The following ZNF680 variants were observed in gnomAD, a reference collection of about 807,000 sequenced individuals.
The protein encoded by ZNF680 is hypothetical protein FLJ90430.
In ZNF680, 6 loss-of-function variants were observed where a neutral mutation model predicts 12.1. The observed-to-expected ratio is 0.49, with a 90% CI of 0.27 to 0.98. The LOEUF (loss-of-function observed/expected upper bound fraction) is 0.98, where lower values mean the gene tolerates loss of function less well. Ranked by LOEUF, ZNF680 falls within the 50% of genes least tolerant of loss-of-function variation. The pLI is 0.12. For missense variants in ZNF680, 561 were observed against 616.3 expected (o/e 0.91, Z 0.95); for synonymous variants, 170 against 199.3 (o/e 0.85, Z 1.24).
intron 2 of ZNF680, 153 bp downstream of exon 2, chr7:64,544,153 A>AT: frequency 8.3e-7 from 1 of 1,202,906 alleles, no homozygotes. Context: ...TACTGAAGGA[A>AT]TTTTTTTCTA....
At position 64,557,033 on chromosome 7, in the gene ZNF680, G is replaced by A. The variant is rs112927422; in HGVS notation, c.30+5892C>T. ...TGGGAGGCCAAGGCGGGCGGATCAC[G>A]AGGCCAGGAGATTGAGACCATCCTG... On this transcript the variant is annotated intron_variant, in intron 1 of 3. Transcript: ENST00000309683. Among the ~76,000 whole-genome samples the A allele has an allele frequency of 2.6e-3, 397 of 152,028 alleles. 2 individuals are homozygous for A. The highest frequency in any genetic ancestry group is 4.9e-3 in the Non-Finnish European group (333 of 67,968).
chr7:64,553,905 G>A (rs2116536160), intron 1 of ZNF680, among the ~76,000 whole-genome samples: 1 of 152,314 alleles, frequency 6.6e-6, no homozygotes, highest in Non-Finnish European at 1.5e-5. Context: ...TGCCCAGGCT[G>A]GAGTGCAGTG....
intron 3 of ZNF680, among the ~76,000 whole-genome samples, chr7:64,541,935 C>CA (rs1786528543): frequency 6.6e-6 from 1 of 152,190 alleles, no homozygotes; most frequent in Admixed American, 6.6e-5. Flanking sequence ...GGAACCCACA[C>CA]AGTGACCTGA....
chr7:64,515,346 A>T (rs1358506289), downstream of ZNF680, among the ~76,000 whole-genome samples: 1 of 151,838 alleles, frequency 6.6e-6, no homozygotes, highest in Non-Finnish European at 1.5e-5. Context: ...ACCCCCCCCT[A>T]AAAAATCCTA....
the ZNF680 span, among the ~76,000 whole-genome samples, chr7:64,502,901 T>A: frequency 6.6e-6 from 1 of 152,182 alleles, no homozygotes; most frequent in Non-Finnish European, 1.5e-5. Context: ...GTGAACTTTT[T>A]TTTTTTGAGA....
intron 1 of ZNF680, among the ~76,000 whole-genome samples, chr7:64,545,284 A>G (rs1786729937): frequency 7.9e-6 from 1 of 125,856 alleles, no homozygotes; most frequent in Admixed American, 7.7e-5. Flanking sequence ...AAAAAAAAAA[A>G]AAAAAAAAGA....
intron 1 of ZNF680, among the ~76,000 whole-genome samples, chr7:64,555,713 A>G (rs6952579): frequency 0.24 from 33,481 of 140,308 alleles, 3,940 homozygotes; most frequent in South Asian, 0.29. Flanking sequence ...AAATCCAGGA[A>G]TTAAACCTTT....
At chr7:64,546,882 C>T (rs1479975208) in intron 1 of ZNF680, among the ~76,000 whole-genome samples, 3 of 152,260 alleles carry the variant, frequency 2.0e-5, no homozygotes, top group Admixed American at 6.5e-5. Context: ...CTGTGACCAA[C>T]CTTCAATGCA....
chr7:64,553,980 A>G (rs1241141001), intron 1 of ZNF680, among the ~76,000 whole-genome samples: 3 of 152,084 alleles, frequency 2.0e-5, no homozygotes, highest in Non-Finnish European at 2.9e-5. Context: ...CAAAGTGCCG[A>G]GATTGCAGCC....
At chr7:64,532,044 G>C (rs956473393) in intron 3 of ZNF680, among the ~76,000 whole-genome samples, 1 of 152,266 alleles carries the variant, frequency 6.6e-6, no homozygotes, top group East Asian at 1.9e-4. Flanking sequence ...GGTGGCTCAC[G>C]CCTGTAATCC....
chr7:64,524,381 C>T (rs913240722), intron 3 of ZNF680, among the ~76,000 whole-genome samples: 2 of 152,058 alleles, frequency 1.3e-5, no homozygotes, highest in African/African-American at 4.8e-5. Flanking sequence ...CCACCCACCT[C>T]AGCCTCCCTA....
chr7:64,512,838 T>C, the ZNF680 span, among the ~76,000 whole-genome samples: 48,479 of 151,898 alleles, frequency 0.32, 8,793 homozygotes, highest in African/African-American at 0.48. Flanking sequence ...TAAAAATAAG[T>C]GCTTAAATCA....
At chr7:64,501,876 T>C in the ZNF680 span, 1 of 495,058 alleles carries the variant, frequency 2.0e-6, no homozygotes, top group Non-Finnish European at 3.8e-6. Flanking sequence ...CATATTGCCC[T>C]GCACCTAGGT....
rs187492077 is a variant in ZNF680 at position 64,553,225 on chromosome 7, C to A, written c.31-8793G>T. ...GTAATAAATAGAAACCAAGGTTCAA[C>A]TCCAACTCCACTGTTATATACTGAA... On this transcript the variant is annotated intron_variant, in intron 1 of 3. Coordinates refer to ENST00000309683, the MANE Select transcript of ZNF680 (RefSeq NM_178558.5). Among the ~76,000 whole-genome samples the A allele has an allele frequency of 1.4e-3, 217 of 151,844 alleles. 1 individual carries two copies. Among genetic ancestry groups the A allele is most frequent in the Middle Eastern group, 3.4e-3 (1 of 294 alleles).
chr7:64,517,108 G>A (rs909450812), downstream of ZNF680, among the ~76,000 whole-genome samples: 1 of 151,676 alleles, frequency 6.6e-6, no homozygotes, highest in African/African-American at 2.4e-5. Flanking sequence ...AAACAACCTA[G>A]CTCAGTGCAG....
intron 1 of ZNF680, among the ~76,000 whole-genome samples, chr7:64,557,510 G>A (rs567792060): frequency 5.2e-4 from 79 of 151,984 alleles, no homozygotes; most frequent in Non-Finnish European, 1.0e-3. Context: ...AGCCAAGATC[G>A]TGCCACTGCA....
intron 3 of ZNF680, among the ~76,000 whole-genome samples, chr7:64,528,498 T>G (rs1785682087): frequency 6.6e-6 from 1 of 152,052 alleles, no homozygotes; most frequent in Non-Finnish European, 1.5e-5. Flanking sequence ...ACAGTAGGAG[T>G]AAGACCAGCC....
intron 3 of ZNF680, among the ~76,000 whole-genome samples, chr7:64,542,378 T>A (rs1345866473): frequency 4.6e-5 from 7 of 152,154 alleles, no homozygotes; most frequent in Non-Finnish European, 1.0e-4. Context: ...GCAGAAAAAT[T>A]AGTCAAAAAA....
chr7:64,505,470 A>T, the ZNF680 span, among the ~76,000 whole-genome samples: 2 of 152,226 alleles, frequency 1.3e-5, no homozygotes, highest in African/African-American at 4.8e-5. Flanking sequence ...GTTCAATTCT[A>T]GGAGGGTACA....
Sources: allele counts gnomAD v4.1 joint callset (sites outside exome capture counted in the v4.1 genomes callset), GRCh38; gene constraint gnomAD v4.1.1; transcripts MANE v1.5; gene names NCBI Gene and HGNC (gene_info 2026-07-23, HGNC 2026-07-21).